DNAH12: variants seen among roughly 807,000 people sequenced by gnomAD.
DNAH12 encodes the protein axonemal beta dynein heavy chain 12.
DNAH12 carries 285 observed loss-of-function variants against 371.5 expected under a neutral mutation model. The ratio of observed to expected loss-of-function variants is 0.77; its 90% CI spans 0.70 to 0.85. The LOEUF (loss-of-function observed/expected upper bound fraction) is 0.85. Among genes scored for constraint, DNAH12 ranks in the 40% least tolerant of loss-of-function variants. DNAH12 has a pLI of 0.00. For synonymous variants in DNAH12, 1,200 were observed against 1,213.0 expected (o/e 0.99, Z 0.22); for missense variants, 3,611 against 3,689.4 (o/e 0.98, Z 0.55).
chr3:57,322,958 T>C lies in DNAH12; in HGVS notation c.10383+49A>G, dbSNP rs564600026. The C allele has an allele frequency of 4.6e-5, 71 of 1,532,766 alleles. No individual in the cohort carries two copies. The South Asian group carries it at 8.0e-4, about 17-fold the overall frequency. 94.9% of individuals were successfully genotyped at this position (1,532,766 alleles called of 1,614,324 possible). A position where few individuals can be genotyped will look rare whatever the true frequency, so the allele number is the denominator to read the frequency against. ...ACAAACAAACAAAACAAATAAGATATACAGATAGCTAAGTAAATGTACTTA... is the reference window on the plus strand; with the variant it reads ...ACAAACAAACAAAACAAATAAGATACACAGATAGCTAAGTAAATGTACTTA... On this transcript the variant is annotated intron_variant, in intron 64 of 73. Coordinates refer to ENST00000495027, the MANE Select transcript of DNAH12 (RefSeq NM_001366028.2).
chr3:57,530,628 G>T (rs932843526), intron 2 of DNAH12: 2 of 532,080 alleles, frequency 3.8e-6, no homozygotes, highest in Non-Finnish European at 6.9e-6. Flanking sequence ...TGTATAGTGG[G>T]ATTTTCACCA....
intron 13 of DNAH12, among the ~76,000 whole-genome samples, chr3:57,480,453 C>T (rs2066699253): frequency 6.6e-6 from 1 of 151,572 alleles, no homozygotes; most frequent in South Asian, 2.1e-4. Flanking sequence ...AAAAAAAGTC[C>T]AGGACCAGAT....
Position 57,310,667 on chromosome 3 carries a change from G to A in DNAH12, c.10896+50C>T, listed in dbSNP as rs1219412765. On this transcript the variant is annotated intron_variant, in intron 67 of 73. Transcript: ENST00000495027. ...AGAGAAGAACATTTCACCATTTGCT[G>A]TTAGAAAAATCACACATTAATCTAA... 4 of 1,280,232 alleles carry A rather than the reference G, an allele frequency of 3.1e-6. No individual in the cohort carries two copies. In the African/African-American group the frequency reaches 6.0e-5, roughly 19 times the overall value. 79.3% of individuals were successfully genotyped at this position (1,280,232 alleles called of 1,614,324 possible). A position where few individuals can be genotyped will look rare whatever the true frequency, so the allele number is the denominator to read the frequency against.
chr3:57,542,590 T>C (rs1227804941), intron 2 of DNAH12, 111 bp downstream of exon 2: 6 of 1,196,846 alleles, frequency 5.0e-6, no homozygotes, highest in Non-Finnish European at 6.8e-6. Flanking sequence ...AACTTGAAAA[T>C]AGTATTTTAC....
At chr3:57,336,242 T>C (rs182468328) in intron 60 of DNAH12, among the ~76,000 whole-genome samples, 1 of 152,260 alleles carries the variant, frequency 6.6e-6, no homozygotes, top group Admixed American at 6.5e-5. Context: ...TGTCCAGCAT[T>C]TACCAATATA....
chr3:57,443,351 C>A (rs974868435), intron 29 of DNAH12, among the ~76,000 whole-genome samples: 3 of 152,110 alleles, frequency 2.0e-5, no homozygotes, highest in Non-Finnish European at 4.4e-5. Flanking sequence ...CCCAGGTGAT[C>A]CACCTGCCTC....
intron 11 of DNAH12, among the ~76,000 whole-genome samples, chr3:57,494,049 A>T (rs1478114155): frequency 6.6e-6 from 1 of 152,118 alleles, no homozygotes; most frequent in Non-Finnish European, 1.5e-5. Context: ...CCTGAGCAAT[A>T]TAGTGAGACC....
intron 70 of DNAH12, among the ~76,000 whole-genome samples, chr3:57,300,531 C>T (rs2061323838): frequency 6.6e-6 from 1 of 152,042 alleles, no homozygotes; most frequent in African/African-American, 2.4e-5. Context: ...ACAGTACACA[C>T]ACACACCCAC....
rs1359511075 is a variant in DNAH12, at chr3:57,357,270, A to C, written c.9439T>G (p.Phe3147Val). 6.6e-6 allele frequency: 1 copy of C among 152,202 alleles called. No homozygotes were observed. The highest frequency in any genetic ancestry group is 1.5e-5 in the Non-Finnish European group (1 of 68,046). The allele number at this position is 152,202 out of a possible 1,614,324, so 9.4% of individuals were successfully genotyped here. The change falls in exon 59 of 74, where the codon TTC (phenylalanine) becomes GTC (valine). Residue 3147 changes from phenylalanine to valine, a missense_variant. Physicochemically the swap from Phe to Val is conservative, Grantham distance 50. Transcript: ENST00000495027. ...TTAGCCAGGTCTGCAATGCTAAAGA[A>C]TAACACTGACGAGTGTTTGGCGATG... The part of the protein sequence containing the change: ...RPIAKHSSVL[F>V]FSIADLANID...
chr3:57,506,552 G>A (rs1028945293), intron 8 of DNAH12, among the ~76,000 whole-genome samples: 12 of 151,846 alleles, frequency 7.9e-5, no homozygotes, highest in African/African-American at 2.4e-4. Flanking sequence ...AACTATTCTC[G>A]TGCCTCAGCC....
At chr3:57,511,102 C>A in intron 4 of DNAH12, 123 bp from the exon 5 acceptor site, 1 of 684,368 alleles carries the variant, frequency 1.5e-6, no homozygotes, top group Non-Finnish European at 2.2e-6. Context: ...ATAACATTTT[C>A]AGAATAAAAA....
chr3:57,446,315 A>T, intron 26 of DNAH12, 45 bp from the exon 27 acceptor site: 1 of 1,522,530 alleles, frequency 6.6e-7, no homozygotes. Context: ...TCAGGAAAGG[A>T]TATCATCTCT....
At chr3:57,321,953 T>G (rs1432323832) in intron 65 of DNAH12, among the ~76,000 whole-genome samples, 1 of 152,040 alleles carries the variant, frequency 6.6e-6, no homozygotes, top group Non-Finnish European at 1.5e-5. Flanking sequence ...CAGATTTCTT[T>G]GTCTGTCTAT....
chr3:57,441,660 C>A (rs1045737888), intron 29 of DNAH12, among the ~76,000 whole-genome samples: 2 of 151,810 alleles, frequency 1.3e-5, no homozygotes, highest in African/African-American at 4.8e-5. Context: ...GGTGTGGTGG[C>A]ACGCGCCCAT....
intron 60 of DNAH12, among the ~76,000 whole-genome samples, chr3:57,341,663 AT>A (rs1559570358): frequency 3.3e-5 from 5 of 152,136 alleles, no homozygotes; most frequent in Non-Finnish European, 7.4e-5. Flanking sequence ...AGAAAAATTA[AT>A]ATTGTTAAAA....
chr3:57,327,162 G>C (rs2061969733), intron 62 of DNAH12, among the ~76,000 whole-genome samples: 1 of 152,002 alleles, frequency 6.6e-6, no homozygotes, highest in South Asian at 2.1e-4. Context: ...GAGACAGAAA[G>C]TCAACAAGGA....
chr3:57,528,115 G>A (rs1287451260), intron 2 of DNAH12, among the ~76,000 whole-genome samples: 2 of 151,790 alleles, frequency 1.3e-5, no homozygotes, highest in Admixed American at 6.6e-5. Context: ...CGCAACCTCC[G>A]CCTCCTGGGT....
At chr3:57,523,451 G>T in intron 4 of DNAH12, 132 bp downstream of exon 4, 1 of 727,036 alleles carries the variant, frequency 1.4e-6, no homozygotes, top group Non-Finnish European at 2.1e-6. Context: ...CTTGGGAAGA[G>T]AAAATAAAAA....
chr3:57,444,981 A>C (rs2065436056), intron 28 of DNAH12, among the ~76,000 whole-genome samples, 165 bp from the exon 29 acceptor site: 1 of 148,472 alleles, frequency 6.7e-6, no homozygotes, highest in Admixed American at 7.0e-5. Flanking sequence ...AGTCAATACT[A>C]TGCTTATCAA....
Sources: allele counts gnomAD v4.1 joint callset (sites outside exome capture counted in the v4.1 genomes callset), GRCh38; gene constraint gnomAD v4.1.1; transcripts MANE v1.5; gene names NCBI Gene and HGNC (gene_info 2026-07-23, HGNC 2026-07-21).